RPAP3: variants seen among roughly 807,000 people sequenced by gnomAD.
The protein encoded by RPAP3 is RNA polymerase II associated protein 3.
Under a neutral mutation model 88.8 loss-of-function variants are expected in RPAP3, and 58 were observed. That is an observed-to-expected ratio of 0.65 (90% CI 0.53 to 0.81). The LOEUF (loss-of-function observed/expected upper bound fraction) is 0.81, where lower values mean the gene tolerates loss of function less well. Among genes scored for constraint, RPAP3 ranks in the 40% least tolerant of loss-of-function variants. The pLI, the probability that RPAP3 is intolerant of heterozygous loss-of-function variation, is 0.00. For missense variants in RPAP3, 751 were observed against 764.3 expected, an observed-to-expected ratio of 0.98 and a Z score of 0.20; for synonymous variants, 255 against 259.9, an observed-to-expected ratio of 0.98 and a Z score of 0.18.
At chr12:47,684,908 A>G (rs1166717646) in intron 9 of RPAP3, among the ~76,000 whole-genome samples, 1 of 152,246 alleles carries the variant, frequency 6.6e-6, no homozygotes, top group Non-Finnish European at 1.5e-5. Context: ...GAGGTTAAAT[A>G]TATAATCAGA....
chr12:47,683,578 G>T lies in RPAP3; in HGVS notation c.993-1761C>A, dbSNP rs566719393. Reference sequence around the variant, plus strand: ...CTAAAAGTCTGAAGTTGCCACAGAGGTAGACGATTATTCTTTGAAAATAGA... The same window carrying T: ...CTAAAAGTCTGAAGTTGCCACAGAGTTAGACGATTATTCTTTGAAAATAGA... On this transcript the variant is annotated intron_variant, in intron 9 of 16. Transcript: ENST00000005386. Among the ~76,000 whole-genome samples, 3 of 152,282 alleles carry T rather than the reference G, an allele frequency of 2.0e-5. No individual in the cohort carries two copies. In the East Asian group the frequency reaches 5.8e-4, roughly 29 times the overall value.
At chr12:47,681,453 T>C (rs181199452) in intron 10 of RPAP3, among the ~76,000 whole-genome samples, 6 of 152,330 alleles carry the variant, frequency 3.9e-5, no homozygotes, top group East Asian at 1.9e-4. Context: ...TTCATTAATA[T>C]TGACTGGCAA....
rs1446862896 is a variant in RPAP3 at position 47,663,105 on chromosome 12, A to G, written c.*400T>C. The G allele has an allele frequency of 6.5e-6, 1 of 154,056 alleles. No individual in the cohort carries two copies. Among genetic ancestry groups the G allele is most frequent in the Non-Finnish European group, 1.4e-5 (1 of 69,374 alleles). The allele number at this position is 154,056 out of a possible 1,614,324, so 9.5% of individuals were successfully genotyped here. A position where few individuals can be genotyped will look rare whatever the true frequency, so the allele number is the denominator to read the frequency against. ...AAAAGTTTTATAAAGAAAGGATCTC[A>G]CTATCTATTTAACTTCCTCTTTACA... On this transcript the variant is annotated 3_prime_UTR_variant, in exon 17 of 17. Coordinates refer to ENST00000005386, the MANE Select transcript of RPAP3 (RefSeq NM_024604.3).
intron 4 of RPAP3, 93 bp downstream of exon 4, chr12:47,697,504 G>A: frequency 1.2e-5 from 14 of 1,184,136 alleles, no homozygotes; most frequent in South Asian, 3.0e-5. Flanking sequence ...GTTTAAACAC[G>A]TACTAAAACT....
chr12:47,681,189 T>C (rs551733490), intron 10 of RPAP3, among the ~76,000 whole-genome samples: 2 of 152,308 alleles, frequency 1.3e-5, no homozygotes, highest in South Asian at 4.1e-4. Flanking sequence ...CTAATTCCAG[T>C]ATCCACCTCC....
At position 47,662,514 on chromosome 12, in the gene RPAP3, G is replaced by A. The variant is rs929929773; in HGVS notation, c.*991C>T. The A allele has an allele frequency of 2.0e-5, 3 of 152,138 alleles. No homozygotes were observed. Among genetic ancestry groups the A allele is most frequent in the East Asian group, 3.8e-4 (2 of 5,204 alleles). 9.4% of individuals were successfully genotyped at this position (152,138 alleles called of 1,614,324 possible). A position where few individuals can be genotyped will look rare whatever the true frequency, so the allele number is the denominator to read the frequency against. ...TTGTAAACTGAACTGTCTTATTGATGCTGATAACAATTAAAGGATGGTGTC... is the reference window on the plus strand; with the variant it reads ...TTGTAAACTGAACTGTCTTATTGATACTGATAACAATTAAAGGATGGTGTC... On this transcript the variant is annotated 3_prime_UTR_variant, in exon 17 of 17. Coordinates refer to ENST00000005386, the MANE Select transcript of RPAP3 (RefSeq NM_024604.3).
rs1230229765 is a variant in RPAP3, at chr12:47,701,451, T to G, written c.294+13A>C. 6.5e-7 allele frequency: 1 copy of G among 1,542,644 alleles called. No homozygotes were observed. The highest frequency in any genetic ancestry group is 1.3e-5 in the South Asian group (1 of 77,052). On this transcript the variant is annotated intron_variant, in intron 3 of 16. Transcript: ENST00000005386. ...ACTCAAATATTAAGAAGCAAATGACTAGATTAACTTACCACATCAAGTTTT... is the reference window on the plus strand; with the variant it reads ...ACTCAAATATTAAGAAGCAAATGACGAGATTAACTTACCACATCAAGTTTT...
At chr12:47,692,513 C>A (rs1939447445) in intron 5 of RPAP3, among the ~76,000 whole-genome samples, 1 of 152,214 alleles carries the variant, frequency 6.6e-6, no homozygotes, top group Admixed American at 6.5e-5. Context: ...GCTTTCTCAC[C>A]TCTCTCAACC....
At chr12:47,685,390 A>C (rs1258173952) in intron 9 of RPAP3, among the ~76,000 whole-genome samples, 3 of 152,026 alleles carry the variant, frequency 2.0e-5, no homozygotes, top group Non-Finnish European at 4.4e-5. Context: ...AAAAAAAAAA[A>C]AAAATCAGAT....
At position 47,690,635 on chromosome 12, in the gene RPAP3, C is replaced by T; in HGVS notation, c.550G>A (p.Ala184Thr). ...AAATTACAATCAGACTCAGCAACAGCAAATCTGCAATTTAAAAACATTAAA... is the reference window on the plus strand; with the variant it reads ...AAATTACAATCAGACTCAGCAACAGTAAATCTGCAATTTAAAAACATTAAA... Reference protein sequence around the residue: ...ASAYFRLKKFAVAESDCNLAV... With the variant: ...ASAYFRLKKFTVAESDCNLAV... The change falls in exon 6 of 17, where the codon GCT (alanine) becomes ACT (threonine). Residue 184 changes from alanine (A) to threonine (T), a missense_variant. By Grantham distance (58) the Ala-to-Thr change is moderately conservative. Coordinates refer to ENST00000005386, the MANE Select transcript of RPAP3 (RefSeq NM_024604.3). 1 of 1,466,352 alleles carries T rather than the reference C, an allele frequency of 6.8e-7. No individual in the cohort carries two copies. Among genetic ancestry groups the T allele is most frequent in the East Asian group, 2.5e-5 (1 of 40,810 alleles). The allele number at this position is 1,466,352 out of a possible 1,614,324, so 90.8% of individuals were successfully genotyped here.
chr12:47,695,268 T>A (rs1038347722), intron 5 of RPAP3, among the ~76,000 whole-genome samples: 1 of 148,018 alleles, frequency 6.8e-6, no homozygotes, highest in African/African-American at 2.4e-5. Flanking sequence ...GCTATAAGCA[T>A]CAAAACAAGA....
chr12:47,677,230 A>G (rs1223118843), intron 12 of RPAP3, among the ~76,000 whole-genome samples: 1 of 152,220 alleles, frequency 6.6e-6, no homozygotes, highest in East Asian at 1.9e-4. Flanking sequence ...CTAGGTATTG[A>G]TGGAATGTTT....
At chr12:47,696,168 C>A in intron 5 of RPAP3, 108 bp downstream of exon 5, 1 of 912,978 alleles carries the variant, frequency 1.1e-6, no homozygotes, top group South Asian at 3.7e-5. Context: ...AAAGAAAATG[C>A]AATACATTTT....
chr12:47,664,233 C>T (rs1237553554), intron 16 of RPAP3, among the ~76,000 whole-genome samples: 1 of 151,874 alleles, frequency 6.6e-6, no homozygotes, highest in Non-Finnish European at 1.5e-5. Context: ...ACTAAAAATA[C>T]AAAAAAATTA....
intron 9 of RPAP3, among the ~76,000 whole-genome samples, chr12:47,686,547 C>CAT (rs1565719142): frequency 8.9e-6 from 1 of 112,590 alleles, no homozygotes; most frequent in African/African-American, 3.4e-5. Context: ...CATACACATA[C>CAT]ACACACACAC....
intron 5 of RPAP3, among the ~76,000 whole-genome samples, 168 bp from the exon 6 acceptor site, chr12:47,690,807 T>C (rs1003205809): frequency 6.6e-6 from 1 of 152,260 alleles, no homozygotes. Context: ...AATACTGCCA[T>C]TGCTCAAAGA....
chr12:47,678,282 A>C (rs1292809928), intron 12 of RPAP3, among the ~76,000 whole-genome samples: 1 of 152,214 alleles, frequency 6.6e-6, no homozygotes, highest in African/African-American at 2.4e-5. Context: ...GTTAGACCTA[A>C]AACCATAAAA....
chr12:47,674,084 TAA>T (rs34101861), intron 12 of RPAP3, among the ~76,000 whole-genome samples: 1 of 123,336 alleles, frequency 8.1e-6, no homozygotes, highest in Non-Finnish European at 1.6e-5. Context: ...TTAAAGATTC[TAA>T]AAAAAAAAAA....
At position 47,661,698 on chromosome 12, in the gene RPAP3, A is replaced by G. The variant is rs1418356741; in HGVS notation, c.*1807T>C. ...GTCTCTACACAGGTAACACAACATA[A>G]AAACTGCAGCTGGAAGTAGTTCAAA... On this transcript the variant is annotated 3_prime_UTR_variant, in exon 17 of 17. Transcript: ENST00000005386. 1 of 152,196 alleles carries G rather than the reference A, an allele frequency of 6.6e-6. No individual in the cohort carries two copies. The highest frequency in any genetic ancestry group is 1.5e-5 in the Non-Finnish European group (1 of 68,040). The allele number at this position is 152,196 out of a possible 1,614,324, so 9.4% of individuals were successfully genotyped here. A position where few individuals can be genotyped will look rare whatever the true frequency, so the allele number is the denominator to read the frequency against.
Sources: gnomAD v4.1 joint callset for allele counts (sites outside exome capture counted in the v4.1 genomes callset) on GRCh38, gnomAD v4.1.1 for gene constraint, MANE v1.5 for transcripts, NCBI Gene and HGNC (gene_info 2026-07-23, HGNC 2026-07-21) for gene names.